HDAC5: variants seen among roughly 807,000 people sequenced by gnomAD.
The protein encoded by HDAC5 is antigen NY-CO-9.
Under a neutral mutation model 133.3 loss-of-function variants are expected in HDAC5, and 25 were observed. That is an observed-to-expected ratio of 0.19 (90% CI 0.14 to 0.26). The LOEUF is 0.26. Among genes scored for constraint, HDAC5 ranks in the 10% least tolerant of loss-of-function variants. The probability of loss-of-function intolerance (pLI) is 1.00; values close to 1 mark genes in which losing one functional copy is unlikely to be tolerated. For missense variants in HDAC5, 1,041 were observed against 1,460.5 expected, an observed-to-expected ratio of 0.71 and a Z score of 4.68; for synonymous variants, 589 against 610.8, an observed-to-expected ratio of 0.96 and a Z score of 0.53.
At chr17:44,109,148 G>A (rs1006880479) in intron 3 of HDAC5, among the ~76,000 whole-genome samples, 14 of 152,214 alleles carry the variant, frequency 9.2e-5, no homozygotes, top group Non-Finnish European at 1.9e-4. Flanking sequence ...TGGTAGCAAG[G>A]AACAGAGGCG....
At chr17:44,111,432 AGCGCTGGGTGGCCAGAGGCTG>A (rs1319821057) in intron 2 of HDAC5, 7 of 393,402 alleles carry the variant, frequency 1.8e-5, no homozygotes, top group Non-Finnish European at 3.6e-5. Flanking sequence ...CCAAGGCCAC[AGCGCTGGGTGGCCAGAGGCTG>A]GGCTGGGGAA....
chr17:44,120,714 C>T (rs2052937149), intron 1 of HDAC5: 2 of 151,256 alleles, frequency 1.3e-5, no homozygotes. Context: ...GCACTCCCGC[C>T]TGGGCAATAA....
In HDAC5 at chr17:44,087,579, G is replaced by T. The variant is rs373483632; in HGVS notation, c.1717C>A (p.Arg573=). 2.0e-5 allele frequency: 33 copies of T among 1,613,926 alleles called. No homozygotes were observed. Among genetic ancestry groups the T allele is most frequent in the Non-Finnish European group, 1.5e-5 (18 of 1,179,970 alleles). ...LLGEGALTMP[R]EGSTESESTQ... is the part of the protein sequence containing the mutation. ...CTCTCACTCTCTGTGGAGCCCTCCC[G>T]GGGCATGGTCAGGGCTCCCTCCCCC... is the stretch of plus-strand genomic sequence containing the variant. The change falls in exon 13 of 27, where the codon CGG becomes AGG. Residue 573 remains arginine (R), a synonymous_variant. Transcript: ENST00000682912.
chr17:44,100,814 G>C (rs999698776), intron 3 of HDAC5, among the ~76,000 whole-genome samples: 23 of 150,006 alleles, frequency 1.5e-4, no homozygotes, highest in African/African-American at 5.6e-4. Flanking sequence ...TTTGGAGACG[G>C]AGTCTCGCTC....
intron 20 of HDAC5, among the ~76,000 whole-genome samples, chr17:44,081,251 T>A (rs2050374563): frequency 6.6e-6 from 1 of 150,602 alleles, no homozygotes; most frequent in African/African-American, 2.5e-5. Flanking sequence ...GATGAGATTC[T>A]TTCTTTTTTT....
rs1178876179 is a variant in HDAC5 at position 44,093,466 on chromosome 17, G to A, written c.374C>T (p.Ala125Val). Residue 125 changes from alanine to valine, a missense_variant, in exon 5 of 27, where the codon GCA becomes GTA. Around this residue, in one of 9 missense-constraint regions of HDAC5, gnomAD observed 109 missense variants for 168.0 expected, o/e 0.65. Transcript: ENST00000682912. Reference sequence around the variant, plus strand: ...CAGCATCTCCTGCTGCTGCTTGGCTGCCAGCATCTCCTGCTGCTGCTGCAG... The same window carrying A: ...CAGCATCTCCTGCTGCTGCTTGGCTACCAGCATCTCCTGCTGCTGCTGCAG... ...KHLKQQQEML[A>V]AKQQQEMLAA... 2 of 1,606,912 alleles carry A rather than the reference G, an allele frequency of 1.2e-6. No individual in the cohort carries two copies. The highest frequency in any genetic ancestry group is 8.5e-7 in the Non-Finnish European group (1 of 1,177,738).
At position 44,078,118 on chromosome 17, in the gene HDAC5, G is replaced by A; in HGVS notation, c.*258C>T. On this transcript the variant is annotated 3_prime_UTR_variant, in exon 27 of 27. Coordinates refer to ENST00000682912, the MANE Select transcript of HDAC5 (RefSeq NM_005474.5). Reference sequence around the variant, plus strand: ...CCAGGCTCCAAGGAGGAAAAGGACAGACAGAATGCAGGAAAATGGGGGGAG... The same window carrying A: ...CCAGGCTCCAAGGAGGAAAAGGACAAACAGAATGCAGGAAAATGGGGGGAG... 1 of 392,976 alleles carries A rather than the reference G, an allele frequency of 2.5e-6. No homozygotes were observed. Among genetic ancestry groups the A allele is most frequent in the East Asian group, 3.8e-5 (1 of 26,004 alleles). 24.3% of individuals were successfully genotyped at this position (392,976 alleles called of 1,614,324 possible).
intron 14 of HDAC5, among the ~76,000 whole-genome samples, chr17:44,085,751 C>T (rs2050617213): frequency 6.6e-6 from 1 of 152,182 alleles, no homozygotes; most frequent in African/African-American, 2.4e-5. Context: ...ATCCACCCAC[C>T]TCAGCCTCCT....
intron 14 of HDAC5, 50 bp from the exon 15 acceptor site, chr17:44,085,205 C>G (rs1159317261): frequency 8.0e-6 from 12 of 1,501,302 alleles, no homozygotes; most frequent in Non-Finnish European, 9.9e-6. Flanking sequence ...GCCCAGGATC[C>G]CAGCCTGGCT....
intron 11 of HDAC5, among the ~76,000 whole-genome samples, chr17:44,090,233 G>A (rs74448787): frequency 0.041 from 6,264 of 151,324 alleles, 463 homozygotes; most frequent in African/African-American, 0.14. Flanking sequence ...ACTCAGTCTC[G>A]AAAAAAAGAC....
In HDAC5 at chr17:44,084,899, G is replaced by A. The variant is rs986281265; in HGVS notation, c.2184+123C>T. ...CAAGGGATGGAACGGGGTGGTGGGA[G>A]AACTGGCCCCGAAGTCTGGGGCTGA... On this transcript the variant is annotated intron_variant, in intron 15 of 26. Coordinates refer to ENST00000682912, the MANE Select transcript of HDAC5 (RefSeq NM_005474.5). 3 of 1,359,106 alleles carry A rather than the reference G, an allele frequency of 2.2e-6. No homozygotes were observed. In the African/African-American group the frequency reaches 4.3e-5, roughly 20 times the overall value. 84.2% of individuals were successfully genotyped at this position (1,359,106 alleles called of 1,614,324 possible). A position where few individuals can be genotyped will look rare whatever the true frequency, so the allele number is the denominator to read the frequency against.
At chr17:44,085,325 G>T in intron 14 of HDAC5, 170 bp from the exon 15 acceptor site, 3 of 432,734 alleles carry the variant, frequency 6.9e-6, no homozygotes, top group Non-Finnish European at 1.1e-5. Context: ...CTCCTCTCCA[G>T]CTTTTTTTTT....
chr17:44,101,266 G>A (rs1261754433), intron 3 of HDAC5, among the ~76,000 whole-genome samples: 3 of 151,278 alleles, frequency 2.0e-5, no homozygotes, highest in Non-Finnish European at 4.4e-5. Flanking sequence ...TTAGCTGGGT[G>A]TGGTGGCAGG....
intron 1 of HDAC5, among the ~76,000 whole-genome samples, chr17:44,121,718 C>T (rs1385820423): frequency 6.6e-6 from 1 of 152,036 alleles, no homozygotes; most frequent in Non-Finnish European, 1.5e-5. Context: ...AAACCTTTGT[C>T]TCTGCAGCTA....
Position 44,092,265 on chromosome 17 carries a change from G to A in HDAC5, c.939C>T (p.Ser313=), listed in dbSNP as rs939124491. The A allele has an allele frequency of 3.1e-6, 5 of 1,613,986 alleles. No individual in the cohort carries two copies. Among genetic ancestry groups the A allele is most frequent in the Non-Finnish European group, 4.2e-6 (5 of 1,179,966 alleles). The change falls in exon 9 of 27, where the codon AGC becomes AGT. Residue 313 remains serine, a synonymous_variant. Coordinates refer to ENST00000682912, the MANE Select transcript of HDAC5 (RefSeq NM_005474.5). ...AGPGASSVCN[S]APGSGPSSPN... is the part of the protein sequence containing the mutation. Reference sequence around the variant, plus strand: ...GAGAGCTGGGGCCGGAGCCGGGTGCGCTGTTACACACGGACGACGCTATAG... The same window carrying A: ...GAGAGCTGGGGCCGGAGCCGGGTGCACTGTTACACACGGACGACGCTATAG...
At chr17:44,109,030 G>A (rs1296793792) in intron 3 of HDAC5, among the ~76,000 whole-genome samples, 1 of 152,154 alleles carries the variant, frequency 6.6e-6, no homozygotes, top group Non-Finnish European at 1.5e-5. Context: ...GGCTTAGGGA[G>A]GAGATGAGAG....
In HDAC5 at chr17:44,078,068, GC is replaced by G; in HGVS notation, c.*307del. Reference sequence around the variant, plus strand: ...CCCAGAACTGGAGAGTACTGTCTGGGCCCCCGTGCCCACCTTGAGCTGGCCC... The same window carrying G: ...CCCAGAACTGGAGAGTACTGTCTGGGCCCCGTGCCCACCTTGAGCTGGCCC... On this transcript the variant is annotated 3_prime_UTR_variant, in exon 27 of 27. Transcript: ENST00000682912. 1 of 301,516 alleles carries G rather than the reference GC, an allele frequency of 3.3e-6. No homozygotes were observed. The allele number at this position is 301,516 out of a possible 1,614,324, so 18.7% of individuals were successfully genotyped here.
intron 3 of HDAC5, among the ~76,000 whole-genome samples, chr17:44,100,720 C>T (rs536845635): frequency 3.3e-5 from 5 of 151,812 alleles, no homozygotes; most frequent in Admixed American, 6.6e-5. Context: ...CATTGCACTC[C>T]AGCCTGGGCA....
chr17:44,091,390 T>C lies in HDAC5; in HGVS notation c.1267A>G (p.Ile423Val). The stretch of plus-strand genomic sequence containing the variant: ...GCCACGCCCAGCAGGCAGCCAGGAA[T>C]AGAGGATGTGCTCATGAACTTGCCG... The part of the protein sequence containing the change: ...LTGKFMSTSS[I>V]PGCLLGVALE... The change falls in exon 11 of 27, where the codon ATT (isoleucine) becomes GTT (valine). Residue 423 changes from isoleucine (I) to valine (V), a missense_variant. Around this residue, in one of 9 missense-constraint regions of HDAC5, gnomAD observed 433 missense variants for 531.6 expected, o/e 0.81. Coordinates refer to ENST00000682912, the MANE Select transcript of HDAC5 (RefSeq NM_005474.5). The C allele has an allele frequency of 5.7e-6, 9 of 1,583,726 alleles. No homozygotes were observed. Among genetic ancestry groups the C allele is most frequent in the Non-Finnish European group, 7.7e-6 (9 of 1,165,296 alleles).
Sources: allele counts gnomAD v4.1 joint callset (sites outside exome capture counted in the v4.1 genomes callset), GRCh38; gene constraint gnomAD v4.1.1; regional missense constraint gnomAD v4.1.1; transcripts MANE v1.5; gene names NCBI Gene and HGNC (gene_info 2026-07-23, HGNC 2026-07-21).